The following RBFOX3 variants were observed in gnomAD, a reference collection of about 807,000 sequenced individuals.
The protein encoded by RBFOX3 is RNA binding fox-1 homolog 3, also known as RNA binding protein fox-1 homolog 3.
In RBFOX3, 17 loss-of-function variants were observed where a neutral mutation model predicts 48.7. That is an observed-to-expected ratio of 0.35 (90% CI 0.24 to 0.52). The LOEUF (loss-of-function observed/expected upper bound fraction) is 0.52. Ranked by LOEUF, RBFOX3 falls within the 20% of genes least tolerant of loss-of-function variation. The probability of loss-of-function intolerance (pLI) is 0.94; values close to 1 mark genes in which losing one functional copy is unlikely to be tolerated. For missense variants in RBFOX3, 382 were observed against 497.5 expected, an observed-to-expected ratio of 0.77 and a Z score of 2.21; for synonymous variants, 212 against 209.5, an observed-to-expected ratio of 1.01 and a Z score of -0.10.
At chr17:79,167,061 C>T (rs533342885) in intron 4 of RBFOX3, among the ~76,000 whole-genome samples, 4 of 152,334 alleles carry the variant, frequency 2.6e-5, no homozygotes, top group South Asian at 2.1e-4. Flanking sequence ...AAGGCGGGCA[C>T]GTCACCCCCA....
intron 4 of RBFOX3, among the ~76,000 whole-genome samples, chr17:79,186,526 G>A (rs575149116): frequency 6.6e-6 from 1 of 152,240 alleles, no homozygotes; most frequent in South Asian, 2.1e-4. Flanking sequence ...CAGCCCTCCC[G>A]AGCCCCTGGT....
intron 4 of RBFOX3, among the ~76,000 whole-genome samples, chr17:79,182,965 G>A (rs2052454220): frequency 1.8e-5 from 2 of 110,096 alleles, no homozygotes; most frequent in African/African-American, 6.9e-5. Context: ...CCCTCCCCTC[G>A]GGCTTCCCCG....
At chr17:79,472,190 G>A (rs924186355) in intron 2 of RBFOX3, among the ~76,000 whole-genome samples, 2 of 152,220 alleles carry the variant, frequency 1.3e-5, no homozygotes, top group African/African-American at 4.8e-5. Context: ...GGAATGATGA[G>A]TGTGCCTGAC....
At chr17:79,430,471 CA>C (rs1418137857) in intron 2 of RBFOX3, among the ~76,000 whole-genome samples, 3 of 152,124 alleles carry the variant, frequency 2.0e-5, no homozygotes, top group Non-Finnish European at 4.4e-5. Context: ...AAGGTGATTT[CA>C]GTATCAAATA....
At chr17:79,510,606 C>T (rs1203838869) in intron 1 of RBFOX3, among the ~76,000 whole-genome samples, 4 of 152,212 alleles carry the variant, frequency 2.6e-5, no homozygotes, top group Non-Finnish European at 2.9e-5. Context: ...CCTGAGGTAG[C>T]CTGTCTGGGA....
intron 8 of RBFOX3, among the ~76,000 whole-genome samples, chr17:79,102,286 G>C (rs76834018): frequency 0.038 from 5,830 of 152,320 alleles, 139 homozygotes; most frequent in Middle Eastern, 0.092. Context: ...GTCGAGAATA[G>C]CAGGGGTGAT....
rs1169762669 is a variant in RBFOX3, at chr17:79,361,414, C to G, written c.-174-53590G>C. On this transcript the variant is annotated intron_variant, in intron 2 of 14. Coordinates refer to ENST00000693108, the MANE Select transcript of RBFOX3 (RefSeq NM_001350451.2). The surrounding 1 kb of genome is among the most constrained non-coding windows in gnomAD (Gnocchi z 4.5). The stretch of plus-strand genomic sequence containing the variant: ...TTCCTTGTGGAAAGATTAAACATCT[C>G]TCAGATGCTGGGAGGACCCTCACGG... Among the ~76,000 whole-genome samples, 2 of 152,184 alleles carry G rather than the reference C, an allele frequency of 1.3e-5. No individual in the cohort carries two copies. The highest frequency in any genetic ancestry group is 2.9e-5 in the Non-Finnish European group (2 of 68,030).
At position 79,391,613 on chromosome 17, in the gene RBFOX3, A is replaced by G. The variant is rs1467752799; in HGVS notation, c.-174-83789T>C. The stretch of plus-strand genomic sequence containing the variant: ...GGAATTTAGTTTTAGGAATGAAGAA[A>G]TGAGGCCCAGTGAGGTACATGTACA... On this transcript the variant is annotated intron_variant, in intron 2 of 14. Coordinates refer to ENST00000693108, the MANE Select transcript of RBFOX3 (RefSeq NM_001350451.2). This position sits in a 1 kb window ranked among gnomAD's most constrained non-coding sequence, Gnocchi z 5.0. 6.6e-6 allele frequency among the ~76,000 whole-genome samples: 1 copy of G among 152,200 alleles called. No homozygotes were observed. Among genetic ancestry groups the G allele is most frequent in the East Asian group, 1.9e-4 (1 of 5,196 alleles).
chr17:79,546,947 GGT>G (rs1555792117), intron 1 of RBFOX3, among the ~76,000 whole-genome samples: 1 of 151,960 alleles, frequency 6.6e-6, no homozygotes, highest in Non-Finnish European at 1.5e-5. Flanking sequence ...TGGGATTACA[GGT>G]GTGAGCCAGT....
At chr17:79,377,506 G>A (rs1254505271) in intron 2 of RBFOX3, among the ~76,000 whole-genome samples, 2 of 152,186 alleles carry the variant, frequency 1.3e-5, no homozygotes, top group African/African-American at 4.8e-5. Flanking sequence ...CCGAGTTGGT[G>A]ACATCCTCCT....
chr17:79,492,975 C>T (rs1219896014), intron 1 of RBFOX3, among the ~76,000 whole-genome samples: 18 of 152,236 alleles, frequency 1.2e-4, no homozygotes, highest in African/African-American at 4.3e-4. Context: ...TTAGGCTGTT[C>T]TTGCATTGCT....
chr17:79,118,397 C>A (rs560553915), intron 4 of RBFOX3, among the ~76,000 whole-genome samples: 1 of 152,026 alleles, frequency 6.6e-6, no homozygotes, highest in South Asian at 2.1e-4. Context: ...TGTTAGCAAA[C>A]GTGTTGGTGA....
intron 6 of RBFOX3, 150 bp downstream of exon 6, chr17:79,106,501 A>C: frequency 1.1e-6 from 1 of 946,300 alleles, no homozygotes; most frequent in Non-Finnish European, 1.5e-6. Flanking sequence ...CCCAGGAGGG[A>C]AGGAATCCTG....
At chr17:79,430,578 A>G (rs1384052882) in intron 2 of RBFOX3, among the ~76,000 whole-genome samples, 1 of 152,232 alleles carries the variant, frequency 6.6e-6, no homozygotes, top group African/African-American at 2.4e-5. Flanking sequence ...ACAGAGTCTC[A>G]CTGTGTCACC....
At chr17:79,387,820 C>T (rs776604375) in intron 2 of RBFOX3, among the ~76,000 whole-genome samples, 1 of 152,260 alleles carries the variant, frequency 6.6e-6, no homozygotes, top group African/African-American at 2.4e-5. Context: ...CCAACCCATA[C>T]CCCAAGAGCA....
the RBFOX3 span, among the ~76,000 whole-genome samples, chr17:79,640,496 T>G: frequency 3.3e-5 from 5 of 152,140 alleles, no homozygotes; most frequent in African/African-American, 4.8e-5. Flanking sequence ...AGATCCTGAA[T>G]AGCCAAGCAA....
chr17:79,188,727 CT>C (rs2053903377), intron 4 of RBFOX3, among the ~76,000 whole-genome samples: 1 of 152,188 alleles, frequency 6.6e-6, no homozygotes, highest in Non-Finnish European at 1.5e-5. Context: ...CCCAGGACTT[CT>C]CCCTTCTCCT....
chr17:79,127,743 T>A (rs1161481354), intron 4 of RBFOX3, among the ~76,000 whole-genome samples: 1 of 152,140 alleles, frequency 6.6e-6, no homozygotes, highest in African/African-American at 2.4e-5. Flanking sequence ...TGCACTGGGC[T>A]GGAACAGCAC....
intron 1 of RBFOX3, among the ~76,000 whole-genome samples, chr17:79,512,858 AG>A: frequency 6.9e-6 from 1 of 145,400 alleles, no homozygotes; most frequent in Non-Finnish European, 1.5e-5. Flanking sequence ...CCCCATGGCC[AG>A]GGGACGCACA....
Sources: gnomAD v4.1 joint callset for allele counts (sites outside exome capture counted in the v4.1 genomes callset) on GRCh38, gnomAD v4.1.1 for gene constraint, Gnocchi (gnomAD v3.1) non-coding constraint, MANE v1.5 for transcripts, NCBI Gene and HGNC (gene_info 2026-07-23, HGNC 2026-07-21) for gene names.